The following PDE1A variants were observed in gnomAD, a reference collection of about 807,000 sequenced individuals.
PDE1A encodes dual specificity calcium/calmodulin-dependent 3',5'-cyclic nucleotide phosphodiesterase 1A.
A neutral mutation model predicts 61.7 loss-of-function variants in PDE1A; 35 were observed. That is an observed-to-expected ratio of 0.57 (90% CI 0.43 to 0.75). The LOEUF (loss-of-function observed/expected upper bound fraction) is 0.75, where lower values mean the gene tolerates loss of function less well. Among genes scored for constraint, PDE1A ranks in the 30% least tolerant of loss-of-function variants. PDE1A has a pLI of 0.00. For missense variants in PDE1A, 597 were observed against 630.6 expected (o/e 0.95, Z 0.57); for synonymous variants, 232 against 213.2 (o/e 1.09, Z -0.77).
intron 1 of PDE1A, among the ~76,000 whole-genome samples, chr2:182,416,420 T>C (rs1354229659): frequency 6.6e-6 from 1 of 152,234 alleles, no homozygotes; most frequent in Non-Finnish European, 1.5e-5. Flanking sequence ...CTCAGCTGTT[T>C]CAATAATGTG....
At chr2:182,671,153 T>C in the PDE1A span, among the ~76,000 whole-genome samples, 2 of 151,666 alleles carry the variant, frequency 1.3e-5, no homozygotes, top group African/African-American at 4.8e-5. Flanking sequence ...GTGATGGTTA[T>C]GCTGCAAGTC....
At chr2:182,501,816 GT>G (rs1248343612) in intron 2 of PDE1A, among the ~76,000 whole-genome samples, 1 of 151,960 alleles carries the variant, frequency 6.6e-6, no homozygotes, top group Non-Finnish European at 1.5e-5. Context: ...GTCAATCTAG[GT>G]TTAACACCCT....
chr2:182,335,857 C>A (rs1697767012), intron 1 of PDE1A, among the ~76,000 whole-genome samples: 1 of 151,968 alleles, frequency 6.6e-6, no homozygotes, highest in Admixed American at 6.6e-5. Context: ...AAAATTTTTG[C>A]AATTTATCCA....
At chr2:182,454,925 G>C (rs1685799104) in intron 2 of PDE1A, among the ~76,000 whole-genome samples, 1 of 148,914 alleles carries the variant, frequency 6.7e-6, no homozygotes, top group African/African-American at 2.4e-5. Context: ...TTAAACTAAA[G>C]AGCTTCTGCA....
chr2:182,435,894 C>T (rs1458342067), intron 2 of PDE1A, among the ~76,000 whole-genome samples: 1 of 151,956 alleles, frequency 6.6e-6, no homozygotes, highest in Non-Finnish European at 1.5e-5. Flanking sequence ...AGAGCTACAA[C>T]CAAGAAATGA....
chr2:182,679,882 A>C, the PDE1A span, among the ~76,000 whole-genome samples: 1 of 152,180 alleles, frequency 6.6e-6, no homozygotes, highest in Non-Finnish European at 1.5e-5. Context: ...GAAACCCCTG[A>C]AATATAGAAA....
chr2:182,223,542 T>C (rs982315906), intron 7 of PDE1A, among the ~76,000 whole-genome samples: 1 of 152,020 alleles, frequency 6.6e-6, no homozygotes, highest in Admixed American at 6.6e-5. Context: ...ACCTTAAGCA[T>C]TATGTTGCAA....
At chr2:182,275,686 G>GA (rs1474222760) in intron 1 of PDE1A, among the ~76,000 whole-genome samples, 3 of 151,716 alleles carry the variant, frequency 2.0e-5, no homozygotes, top group Admixed American at 6.6e-5. Context: ...TGTCTGGTGT[G>GA]AAAAAAAATA....
chr2:182,223,112 G>C (rs987385391), intron 7 of PDE1A, among the ~76,000 whole-genome samples: 1 of 151,968 alleles, frequency 6.6e-6, no homozygotes, highest in Non-Finnish European at 1.5e-5. Context: ...CGTTATGACT[G>C]GTGTCCATAT....
intron 13 of PDE1A, among the ~76,000 whole-genome samples, chr2:182,174,391 C>A (rs749808826): frequency 6.6e-6 from 1 of 152,020 alleles, no homozygotes; most frequent in Non-Finnish European, 1.5e-5. Flanking sequence ...ATTTATTGTT[C>A]CAATAACAAC....
chr2:182,432,086 T>G (rs1338243018), intron 2 of PDE1A, among the ~76,000 whole-genome samples: 1 of 152,078 alleles, frequency 6.6e-6, no homozygotes, highest in East Asian at 1.9e-4. Context: ...GAACATATAT[T>G]TAAACCCCAG....
chr2:182,513,301 C>T (rs1241170405), intron 2 of PDE1A, among the ~76,000 whole-genome samples: 1 of 152,164 alleles, frequency 6.6e-6, no homozygotes, highest in Non-Finnish European at 1.5e-5. Flanking sequence ...TATTCAGCAT[C>T]CTTACAGGAA....
the PDE1A span, among the ~76,000 whole-genome samples, chr2:182,576,264 G>C: frequency 2.6e-4 from 40 of 151,858 alleles, no homozygotes; most frequent in Non-Finnish European, 4.7e-4. Context: ...TCTACTTTAC[G>C]TCTCTATGAA....
chr2:182,528,772 C>A, the PDE1A span, among the ~76,000 whole-genome samples: 1 of 152,206 alleles, frequency 6.6e-6, no homozygotes, highest in Admixed American at 6.5e-5. Flanking sequence ...CCAGTCCAGC[C>A]ATGGCTAAAA....
the PDE1A span, among the ~76,000 whole-genome samples, chr2:182,590,442 T>C: frequency 6.6e-6 from 1 of 152,012 alleles, no homozygotes; most frequent in South Asian, 2.1e-4. Flanking sequence ...CACTCCAGCC[T>C]GGGCAACATA....
At chr2:182,495,106 C>G (rs1344697468) in intron 2 of PDE1A, among the ~76,000 whole-genome samples, 3 of 152,154 alleles carry the variant, frequency 2.0e-5, no homozygotes, top group African/African-American at 7.2e-5. Context: ...TGACTTCTTT[C>G]TAAGGTGCAC....
chr2:182,416,109 T>C (rs998278285), intron 1 of PDE1A, among the ~76,000 whole-genome samples: 23 of 152,276 alleles, frequency 1.5e-4, no homozygotes, highest in Admixed American at 4.6e-4. Context: ...TATGGTTTCA[T>C]TACAGGGCAA....
chr2:182,619,195 GGAGT>G, the PDE1A span, among the ~76,000 whole-genome samples: 29 of 152,042 alleles, frequency 1.9e-4, no homozygotes, highest in African/African-American at 7.0e-4. Flanking sequence ...TGATAAGAAT[GGAGT>G]GAGTATTATA....
the PDE1A span, among the ~76,000 whole-genome samples, chr2:182,631,660 T>C: frequency 4.6e-5 from 7 of 152,266 alleles, no homozygotes; most frequent in Admixed American, 2.0e-4. Flanking sequence ...GATAGGATAC[T>C]ATATAGTTTG....
Sources: gnomAD v4.1 joint callset for allele counts (sites outside exome capture counted in the v4.1 genomes callset) on GRCh38, gnomAD v4.1.1 for gene constraint, MANE v1.5 for transcripts, NCBI Gene and HGNC (gene_info 2026-07-23, HGNC 2026-07-21) for gene names.